The following NAV1 variants were observed in gnomAD, a reference collection of about 807,000 sequenced individuals.
NAV1 encodes the protein neuron navigator 1, also known as pore membrane and/or filament interacting like protein 3.
In NAV1, 18 loss-of-function variants were observed where a neutral mutation model predicts 175.2. That is an observed-to-expected ratio of 0.10 (90% CI 0.07 to 0.15). NAV1 has a LOEUF of 0.15. NAV1 is among the 10% of genes least tolerant of loss of function. The probability of loss-of-function intolerance (pLI) is 1.00; values close to 1 mark genes in which losing one functional copy is unlikely to be tolerated. For missense variants in NAV1, 1,731 were observed against 2,436.6 expected, an observed-to-expected ratio of 0.71 and a Z score of 6.10; for synonymous variants, 897 against 978.7, an observed-to-expected ratio of 0.92 and a Z score of 1.56.
intron 2 of NAV1, among the ~76,000 whole-genome samples, chr1:201,609,850 A>AGC (rs1667796512): frequency 6.6e-6 from 1 of 152,258 alleles, no homozygotes; most frequent in South Asian, 2.1e-4. Flanking sequence ...GTGTATATAT[A>AGC]TAGAGAGAGA....
intron 3 of NAV1, among the ~76,000 whole-genome samples, chr1:201,774,932 T>G (rs1171910933): frequency 1.3e-5 from 2 of 152,160 alleles, no homozygotes; most frequent in African/African-American, 2.4e-5. Context: ...GGATCAGACT[T>G]AAAGTCGAAT....
exon 1 of NAV1, chr1:201,648,808 C>T: frequency 6.4e-7 from 1 of 1,563,706 alleles, no homozygotes; most frequent in Non-Finnish European, 8.6e-7. Flanking sequence ...CCCAAGCGCG[C>T]CAAGGCGCCC....
At chr1:201,801,581 T>C (rs1461006516) in intron 15 of NAV1, among the ~76,000 whole-genome samples, 6 of 152,250 alleles carry the variant, frequency 3.9e-5, no homozygotes. Context: ...TTGGCATCCC[T>C]GGGTGCTGGG....
chr1:201,725,624 G>A lies in NAV1; in HGVS notation c.1226+6869G>A, dbSNP rs142665194. ...TGATTGTGCCACTGCACTCCAGCCC[G>A]GGTGACAGAGCAAGACTCCGTCTCT... On this transcript the variant is annotated intron_variant, in intron 3 of 29. Coordinates refer to ENST00000367296, the Ensembl canonical transcript of NAV1. 5.6e-3 allele frequency among the ~76,000 whole-genome samples: 832 copies of A among 147,930 alleles called. 9 individuals carry two copies. The highest frequency in any genetic ancestry group is 0.02 in the African/African-American group (810 of 40,208).
At chr1:201,641,914 C>A (rs1296804117) in intron 2 of NAV1, among the ~76,000 whole-genome samples, 1 of 152,002 alleles carries the variant, frequency 6.6e-6, no homozygotes, top group East Asian at 1.9e-4. Flanking sequence ...CACCTTCCTT[C>A]ATTCCTTCCC....
At chr1:201,629,452 C>T (rs1668425820) in exon 2 of NAV1, 4 of 1,304,318 alleles carry the variant, frequency 3.1e-6, no homozygotes, top group Non-Finnish European at 4.0e-6. Context: ...GCAGCTGGCC[C>T]CTTGATGGCT....
rs371036421 is a variant in NAV1 at position 201,780,604 on chromosome 1, C to T, written c.1365+45C>T. The T allele has an allele frequency of 4.3e-6, 7 of 1,612,546 alleles. No individual in the cohort carries two copies. In the African/African-American group the frequency reaches 8.0e-5, roughly 18 times the overall value. On this transcript the variant is annotated intron_variant, in intron 4 of 29. Coordinates refer to ENST00000367296, the Ensembl canonical transcript of NAV1. ...CCCAAGCTGCCATCTCAAGATGAAC[C>T]ACAGGGCAAATGGCATTATCTGTGT... is the stretch of plus-strand genomic sequence containing the variant.
chr1:201,799,348 C>T (rs1677692402), intron 15 of NAV1, among the ~76,000 whole-genome samples: 1 of 152,144 alleles, frequency 6.6e-6, no homozygotes, highest in South Asian at 2.1e-4. Flanking sequence ...TCATGTTATC[C>T]TCAGTTCATG....
chr1:201,751,697 G>T (rs1427321226), intron 3 of NAV1, among the ~76,000 whole-genome samples: 1 of 152,168 alleles, frequency 6.6e-6, no homozygotes, highest in African/African-American at 2.4e-5. Flanking sequence ...TGGTAAAGCT[G>T]GCATTTACAG....
chr1:201,700,936 G>A lies in NAV1; in HGVS notation c.758-11881G>A, dbSNP rs965469488. On this transcript the variant is annotated intron_variant, in intron 1 of 29. Coordinates refer to ENST00000367296, the Ensembl canonical transcript of NAV1. ...TGAGGCAGGAGAATGATGTGAACCCGGGAGGCAGAGCTTGTAGTGAGCCGA... is the reference window on the plus strand; with the variant it reads ...TGAGGCAGGAGAATGATGTGAACCCAGGAGGCAGAGCTTGTAGTGAGCCGA... Among the ~76,000 whole-genome samples the A allele has an allele frequency of 9.1e-4, 131 of 143,398 alleles. 2 individuals are homozygous for A. The highest frequency in any genetic ancestry group is 2.7e-3 in the African/African-American group (108 of 39,296). The allele number at this position is 143,398 out of a possible 152,430, so 94.1% of individuals were successfully genotyped here. A position where few individuals can be genotyped will look rare whatever the true frequency, so the allele number is the denominator to read the frequency against.
At chr1:201,791,393 G>C (rs1336946403) in intron 13 of NAV1, 1 of 152,468 alleles carries the variant, frequency 6.6e-6, no homozygotes, top group Non-Finnish European at 1.5e-5. Flanking sequence ...TTTAGAACGA[G>C]TCTATTTCTT....
chr1:201,556,639 A>G (rs995685749), intron 1 of NAV1, among the ~76,000 whole-genome samples: 5 of 152,100 alleles, frequency 3.3e-5, no homozygotes, highest in African/African-American at 1.2e-4. Flanking sequence ...CAAGGGGAGA[A>G]AAATACTTGG....
intron 3 of NAV1, among the ~76,000 whole-genome samples, chr1:201,747,523 C>T (rs10158381): frequency 0.23 from 35,269 of 151,968 alleles, 4,938 homozygotes; most frequent in Non-Finnish European, 0.32. Flanking sequence ...GGAATTTTGC[C>T]CCTAGACACA....
chr1:201,556,041 A>T (rs1666001444), intron 1 of NAV1, among the ~76,000 whole-genome samples: 1 of 152,136 alleles, frequency 6.6e-6, no homozygotes, highest in Admixed American at 6.5e-5. Flanking sequence ...TAATTCACTG[A>T]TCCATTCATT....
Position 201,788,728 on chromosome 1 carries a change from A to C in NAV1, c.3166+90A>C. 2 of 1,346,434 alleles carry C rather than the reference A, an allele frequency of 1.5e-6. No individual in the cohort carries two copies. Among genetic ancestry groups the C allele is most frequent in the South Asian group, 1.4e-5 (1 of 74,050 alleles). 83.4% of individuals were successfully genotyped at this position (1,346,434 alleles called of 1,614,324 possible). A position where few individuals can be genotyped will look rare whatever the true frequency, so the allele number is the denominator to read the frequency against. On this transcript the variant is annotated intron_variant, in intron 10 of 29. Transcript: ENST00000367296. This position sits in a 1 kb window ranked among gnomAD's most constrained non-coding sequence, Gnocchi z 5.7. ...CTCCACTCCCACCACTCCTACCACC[A>C]CACACATATATGATTCACAGAACAT...
At chr1:201,657,573 C>T (rs1173665267) in intron 1 of NAV1, among the ~76,000 whole-genome samples, 1 of 152,218 alleles carries the variant, frequency 6.6e-6, no homozygotes, top group Non-Finnish European at 1.5e-5. Context: ...CTCACGGGCC[C>T]AGTGGAGTCC....
intron 2 of NAV1, among the ~76,000 whole-genome samples, chr1:201,641,750 G>A (rs917056650): frequency 2.0e-5 from 3 of 152,216 alleles, no homozygotes; most frequent in African/African-American, 7.2e-5. Context: ...GAAGAGCCAT[G>A]TGGCTGGGTT....
intron 3 of NAV1, chr1:201,739,379 C>T (rs1571917712): frequency 6.6e-6 from 1 of 152,418 alleles, no homozygotes. Context: ...CTTCGTTTCC[C>T]ACCACATCCC....
chr1:201,675,315 C>T (rs1283217454), intron 1 of NAV1, among the ~76,000 whole-genome samples: 1 of 152,198 alleles, frequency 6.6e-6, no homozygotes, highest in Non-Finnish European at 1.5e-5. Context: ...AGTTAATGTC[C>T]TACTGCTGCC....
Sources: allele counts gnomAD v4.1 joint callset (sites outside exome capture counted in the v4.1 genomes callset), GRCh38; gene constraint gnomAD v4.1.1; non-coding constraint Gnocchi (gnomAD v3.1); transcripts MANE v1.5; gene names NCBI Gene and HGNC (gene_info 2026-07-23, HGNC 2026-07-21).